Variants in HCN4 observed in about 807,000 individuals in gnomAD.
HCN4 encodes the protein potassium/sodium hyperpolarization-activated cyclic nucleotide-gated channel 4.
Under a neutral mutation model 76.9 loss-of-function variants are expected in HCN4, and 29 were observed. The ratio of observed to expected loss-of-function variants is 0.38; its 90% CI spans 0.28 to 0.51. HCN4 has a LOEUF of 0.51. Among genes scored for constraint, HCN4 ranks in the 20% least tolerant of loss-of-function variants. The pLI is 0.90. For missense variants in HCN4, 1,416 were observed against 1,715.2 expected, an observed-to-expected ratio of 0.83 and a Z score of 3.08; for synonymous variants, 772 against 762.5, an observed-to-expected ratio of 1.01 and a Z score of -0.21.
chr15:73,324,807 G>C (rs1595820729), intron 6 of HCN4, 148 bp downstream of exon 6: 8 of 921,064 alleles, frequency 8.7e-6, no homozygotes, highest in African/African-American at 3.3e-5. Flanking sequence ...AACCCAGACT[G>C]ACTAAGACAC....
At position 73,325,530 on chromosome 15, in the gene HCN4, G is replaced by A. The variant is rs1241169216; in HGVS notation, c.1591-86C>T. 3.1e-5 allele frequency: 43 copies of A among 1,365,524 alleles called. No individual in the cohort carries two copies. The highest frequency in any genetic ancestry group is 3.0e-4 in the East Asian group (13 of 43,638). The allele number at this position is 1,365,524 out of a possible 1,614,324, so 84.6% of individuals were successfully genotyped here. On this transcript the variant is annotated intron_variant, in intron 4 of 7. Transcript: ENST00000261917. This position sits in a 1 kb window ranked among gnomAD's most constrained non-coding sequence, Gnocchi z 7.4. The stretch of plus-strand genomic sequence containing the variant: ...CACCACCTCGGCAGGCACCACATCC[G>A]GGCACCCACCCCGGGGGATTTCCTG...
intron 1 of HCN4, among the ~76,000 whole-genome samples, chr15:73,361,489 C>T (rs555047885): frequency 1.3e-5 from 2 of 152,252 alleles, no homozygotes; most frequent in East Asian, 3.8e-4. Context: ...GTCTGGCCGG[C>T]CTCAGTAGCC....
rs913766896 is a variant in HCN4 at position 73,368,906 on chromosome 15, G to C, written c.-636C>G. 3 of 152,184 alleles carry C rather than the reference G, an allele frequency of 2.0e-5. No individual in the cohort carries two copies. Among genetic ancestry groups the C allele is most frequent in the African/African-American group, 7.2e-5 (3 of 41,458 alleles). The allele number at this position is 152,184 out of a possible 1,614,324, so 9.4% of individuals were successfully genotyped here. ...GCAGCGCTCGGGCTCCCGCGCCCCG[G>C]AATATTCATGAAGCCGCCGCAGCTC... is the stretch of plus-strand genomic sequence containing the variant. On this transcript the variant is annotated 5_prime_UTR_variant, in exon 1 of 8. Coordinates refer to ENST00000261917, the MANE Select transcript of HCN4 (RefSeq NM_005477.3). The surrounding 1 kb of genome is among the most constrained non-coding windows in gnomAD (Gnocchi z 6.9).
intron 2 of HCN4, among the ~76,000 whole-genome samples, chr15:73,334,618 C>T (rs1421732172): frequency 5.9e-5 from 9 of 151,856 alleles, no homozygotes; most frequent in South Asian, 4.2e-4. Flanking sequence ...TTGGGGAGGG[C>T]GAGTGACACA....
At chr15:73,330,871 GA>G (rs1351623628) in intron 3 of HCN4, among the ~76,000 whole-genome samples, 2 of 152,336 alleles carry the variant, frequency 1.3e-5, no homozygotes, top group East Asian at 3.9e-4. Flanking sequence ...CAGCCTTGGG[GA>G]ACAGGGGTAG....
intron 1 of HCN4, among the ~76,000 whole-genome samples, chr15:73,353,571 T>C (rs181009732): frequency 3.0e-4 from 46 of 152,234 alleles, no homozygotes; most frequent in African/African-American, 1.1e-3. Flanking sequence ...CCTTGATAAC[T>C]GTCTGAAAGC....
rs866459690 is a variant in HCN4, at chr15:73,343,865, T to A, written c.786-57A>T. ...AAGAGAGAGAGGACAAGTTACAGAC[T>A]AAGGGAGGAAGATCTGAGGGACAGC... On this transcript the variant is annotated intron_variant, in intron 1 of 7. Coordinates refer to ENST00000261917, the MANE Select transcript of HCN4 (RefSeq NM_005477.3). This position sits in a 1 kb window ranked among gnomAD's most constrained non-coding sequence, Gnocchi z 5.7. The A allele has an allele frequency of 6.4e-7, 1 of 1,571,466 alleles. No homozygotes were observed. Among genetic ancestry groups the A allele is most frequent in the Non-Finnish European group, 8.7e-7 (1 of 1,143,504 alleles).
At chr15:73,344,325 G>A (rs952796142) in intron 1 of HCN4, among the ~76,000 whole-genome samples, 16 of 152,148 alleles carry the variant, frequency 1.1e-4, no homozygotes, top group East Asian at 3.9e-4. Context: ...CCCAGGCTCC[G>A]GCCCCAGCTT....
chr15:73,329,487 C>T (rs1194121801), intron 4 of HCN4, 86 bp downstream of exon 4: 14 of 1,262,480 alleles, frequency 1.1e-5, no homozygotes, highest in South Asian at 5.0e-5. Flanking sequence ...GAGCAGGGGG[C>T]GGTTCCTGCT....
chr15:73,329,422 T>A (rs1452837096), intron 4 of HCN4, 151 bp downstream of exon 4: 1 of 685,616 alleles, frequency 1.5e-6, no homozygotes, highest in African/African-American at 1.8e-5. Context: ...ATCTCAGAGG[T>A]GTCTCCCTCC....
chr15:73,340,004 T>C (rs1050665810), intron 2 of HCN4, among the ~76,000 whole-genome samples: 3 of 152,188 alleles, frequency 2.0e-5, no homozygotes, highest in African/African-American at 7.2e-5. Flanking sequence ...TCTGGCCTCC[T>C]GGGATCTTCT....
Position 73,322,796 on chromosome 15 carries a change from C to T in HCN4, c.3297G>A (p.Gln1099=). 6.5e-7 allele frequency: 1 copy of T among 1,546,096 alleles called. No individual in the cohort carries two copies. The highest frequency in any genetic ancestry group is 8.7e-7 in the Non-Finnish European group (1 of 1,145,538). ...SQPALPQDGA[Q]TLRRASPHSS... ...AGTGCGGGGAGGCTCTGCGGAGAGT[C>T]TGCGCCCCGTCCTGAGGCAGGGCTG... Residue 1099 remains glutamine (Q), a synonymous_variant, in exon 8 of 8, where the codon CAG becomes CAA. Coordinates refer to ENST00000261917, the MANE Select transcript of HCN4 (RefSeq NM_005477.3).
chr15:73,323,991 G>C, intron 7 of HCN4, 42 bp from the exon 8 acceptor site: 1 of 1,610,754 alleles, frequency 6.2e-7, no homozygotes, highest in Non-Finnish European at 8.5e-7. Context: ...GCAGAGCGGG[G>C]AAGGAGATCA....
At chr15:73,339,732 T>C (rs2042988493) in intron 2 of HCN4, among the ~76,000 whole-genome samples, 1 of 152,152 alleles carries the variant, frequency 6.6e-6, no homozygotes, top group Admixed American at 6.5e-5. Flanking sequence ...TCAGCTCTCA[T>C]GTGGACCTAG....
intron 2 of HCN4, among the ~76,000 whole-genome samples, chr15:73,340,600 G>C (rs1014800323): frequency 6.6e-6 from 1 of 152,116 alleles, no homozygotes; most frequent in African/African-American, 2.4e-5. Context: ...TCCCCTCTCA[G>C]CCCTCAGCTC....
intron 1 of HCN4, among the ~76,000 whole-genome samples, chr15:73,347,597 G>A (rs866426019): frequency 1.1e-4 from 17 of 152,128 alleles, no homozygotes; most frequent in African/African-American, 3.4e-4. Flanking sequence ...GAAAACGAAG[G>A]CTCACAAAGG....
intron 1 of HCN4, among the ~76,000 whole-genome samples, chr15:73,352,873 C>T (rs973585572): frequency 6.6e-6 from 1 of 152,248 alleles, no homozygotes; most frequent in Non-Finnish European, 1.5e-5. Flanking sequence ...AGTCTTAGGG[C>T]TTCCCCTACT....
chr15:73,348,426 C>T (rs1246513996), intron 1 of HCN4, among the ~76,000 whole-genome samples: 1 of 152,220 alleles, frequency 6.6e-6, no homozygotes, highest in Non-Finnish European at 1.5e-5. Flanking sequence ...ACATGCACAC[C>T]CACATGCAAT....
intron 1 of HCN4, among the ~76,000 whole-genome samples, chr15:73,351,981 T>C (rs575100327): frequency 3.9e-5 from 6 of 152,142 alleles, no homozygotes; most frequent in Admixed American, 2.0e-4. Flanking sequence ...CCTACCCCCC[T>C]TGGTTCACAG....
Sources: gnomAD v4.1 joint callset for allele counts (sites outside exome capture counted in the v4.1 genomes callset) on GRCh38, gnomAD v4.1.1 for gene constraint, Gnocchi (gnomAD v3.1) non-coding constraint, MANE v1.5 for transcripts, NCBI Gene and HGNC (gene_info 2026-07-23, HGNC 2026-07-21) for gene names.